Variants in COMMD10 observed in about 807,000 individuals in gnomAD.
The protein encoded by COMMD10 is COMM domain-containing protein 10.
A neutral mutation model predicts 28.9 loss-of-function variants in COMMD10; 33 were observed. That is an observed-to-expected ratio of 1.14 (90% CI 0.87 to 1.53). The LOEUF is 1.53. Among genes scored for constraint, COMMD10 ranks in the 40% most tolerant of loss-of-function variants. The pLI is 0.00. For missense variants in COMMD10, 310 were observed against 233.4 expected, an observed-to-expected ratio of 1.33 and a Z score of -2.14; for synonymous variants, 110 against 81.7, an observed-to-expected ratio of 1.35 and a Z score of -1.87.
intron 5 of COMMD10, among the ~76,000 whole-genome samples, chr5:116,184,989 C>G (rs913166606): frequency 2.0e-5 from 3 of 152,000 alleles, no homozygotes; most frequent in African/African-American, 7.2e-5. Flanking sequence ...ATATGACTTC[C>G]TGACAAGAAT....
At chr5:116,250,288 G>C (rs1231772838) in intron 5 of COMMD10, among the ~76,000 whole-genome samples, 1 of 151,568 alleles carries the variant, frequency 6.6e-6, no homozygotes, top group African/African-American at 2.4e-5. Context: ...ATATGCATTT[G>C]GTATAGTAAT....
intron 1 of COMMD10, among the ~76,000 whole-genome samples, chr5:116,086,543 C>G (rs1348993233): frequency 6.6e-6 from 1 of 152,040 alleles, no homozygotes; most frequent in East Asian, 1.9e-4. Context: ...ACTGCAGCCT[C>G]CGCCTCCTGT....
intron 4 of COMMD10, among the ~76,000 whole-genome samples, chr5:116,115,077 A>C (rs1228000510): frequency 2.6e-5 from 4 of 152,056 alleles, no homozygotes; most frequent in African/African-American, 9.7e-5. Flanking sequence ...CAGGTCACAC[A>C]ATTTGTTAAA....
chr5:116,235,723 A>G (rs986780567), intron 5 of COMMD10, among the ~76,000 whole-genome samples: 7 of 152,162 alleles, frequency 4.6e-5, no homozygotes, highest in Admixed American at 1.3e-4. Flanking sequence ...TAGAATTCCA[A>G]TTTGATTCAC....
chr5:116,119,216 G>A (rs554282477), intron 4 of COMMD10, among the ~76,000 whole-genome samples: 2 of 152,310 alleles, frequency 1.3e-5, no homozygotes, highest in South Asian at 2.1e-4. Flanking sequence ...TGTGGGTCAA[G>A]GGATATAATT....
chr5:116,271,618 G>C (rs1750759933), intron 5 of COMMD10, among the ~76,000 whole-genome samples: 1 of 151,686 alleles, frequency 6.6e-6, no homozygotes, highest in African/African-American at 2.4e-5. Context: ...GAAGGCATTA[G>C]TCATCTGTGC....
chr5:116,122,450 G>T (rs1167108201), intron 4 of COMMD10, among the ~76,000 whole-genome samples: 14 of 152,226 alleles, frequency 9.2e-5, no homozygotes, highest in Admixed American at 9.2e-4. Flanking sequence ...GCTCAGGATT[G>T]ACTTGGCAAT....
At chr5:116,127,839 C>T (rs998828335) in intron 4 of COMMD10, among the ~76,000 whole-genome samples, 12 of 151,988 alleles carry the variant, frequency 7.9e-5, no homozygotes, top group South Asian at 4.1e-4. Context: ...GACATGTTAA[C>T]GGGTGCAGCA....
chr5:116,107,672 C>G (rs1750886903), intron 4 of COMMD10, among the ~76,000 whole-genome samples: 1 of 152,080 alleles, frequency 6.6e-6, no homozygotes. Flanking sequence ...CTTCTGAAGC[C>G]TACTTCTGTC....
At chr5:116,271,276 CTT>C (rs1449866999) in intron 5 of COMMD10, among the ~76,000 whole-genome samples, 3 of 145,996 alleles carry the variant, frequency 2.1e-5, no homozygotes, top group Non-Finnish European at 4.5e-5. Context: ...GCATTTTTAT[CTT>C]TTTAAATTTT....
At chr5:116,285,621 T>C (rs1751199270) in intron 5 of COMMD10, among the ~76,000 whole-genome samples, 1 of 152,004 alleles carries the variant, frequency 6.6e-6, no homozygotes, top group Non-Finnish European at 1.5e-5. Flanking sequence ...TATGTGTCTT[T>C]CCACCTTTAT....
In COMMD10 at chr5:116,087,516, C is replaced by G; in HGVS notation, c.61C>G (p.Leu21Val). The change falls in exon 2 of 7, where the codon CTG becomes GTG. Residue 21 changes from leucine to valine, a missense_variant. By Grantham distance (32) the Leu-to-Val change is conservative (BLOSUM62 1). Transcript: ENST00000274458. ...GTTTAGCATGAAGAAAGCAGTGTCA[C>G]TGATAAATGCAATAGATACAGGAAG... is the stretch of plus-strand genomic sequence containing the variant. ...ESPSMKKAVSLINAIDTGRFP... is the reference protein window; with the variant it reads ...ESPSMKKAVSVINAIDTGRFP... The G allele has an allele frequency of 6.2e-7, 1 of 1,610,248 alleles. No individual in the cohort carries two copies.
intron 5 of COMMD10, among the ~76,000 whole-genome samples, chr5:116,167,283 C>A (rs1753155384): frequency 6.6e-6 from 1 of 151,354 alleles, no homozygotes; most frequent in Non-Finnish European, 1.5e-5. Flanking sequence ...AGCATGAAGG[C>A]AAGAATAGAG....
chr5:116,187,505 T>G (rs370284829), intron 5 of COMMD10, among the ~76,000 whole-genome samples: 1 of 152,046 alleles, frequency 6.6e-6, no homozygotes, highest in Non-Finnish European at 1.5e-5. Context: ...AAAAAAAAAT[T>G]CAGCAACCTA....
At chr5:116,165,215 A>G (rs1434542461) in intron 5 of COMMD10, among the ~76,000 whole-genome samples, 1 of 152,214 alleles carries the variant, frequency 6.6e-6, no homozygotes, top group African/African-American at 2.4e-5. Flanking sequence ...GGGAGTGCCT[A>G]TGGTGAAAAG....
chr5:116,250,472 CTA>C (rs1561392111), intron 5 of COMMD10, among the ~76,000 whole-genome samples: 1 of 151,014 alleles, frequency 6.6e-6, no homozygotes, highest in East Asian at 1.9e-4. Flanking sequence ...AGTAGTTTGG[CTA>C]AAAAGGAAAA....
chr5:116,137,378 T>G (rs1752053326), intron 5 of COMMD10, among the ~76,000 whole-genome samples: 1 of 152,030 alleles, frequency 6.6e-6, no homozygotes, highest in Non-Finnish European at 1.5e-5. Context: ...AAAGGGAGAT[T>G]AAAAGTTACC....
intron 4 of COMMD10, among the ~76,000 whole-genome samples, chr5:116,121,252 A>T (rs539673755): frequency 2.0e-5 from 3 of 151,648 alleles, no homozygotes; most frequent in Non-Finnish European, 4.4e-5. Context: ...TGTCCTTGTG[A>T]TAGTTTGCTG....
chr5:116,095,046 G>A (rs1750423073), intron 4 of COMMD10, among the ~76,000 whole-genome samples: 1 of 152,188 alleles, frequency 6.6e-6, no homozygotes, highest in Non-Finnish European at 1.5e-5. Context: ...GAGGGTGGAT[G>A]AGTAGAAGTT....
Sources: gnomAD v4.1 joint callset for allele counts (sites outside exome capture counted in the v4.1 genomes callset) on GRCh38, gnomAD v4.1.1 for gene constraint, MANE v1.5 for transcripts, NCBI Gene and HGNC (gene_info 2026-07-23, HGNC 2026-07-21) for gene names.